Variants in IGFL2 observed in about 807,000 individuals in gnomAD.
The protein encoded by IGFL2 is insulin growth factor-like family member 2.
A neutral mutation model predicts 13.9 loss-of-function variants in IGFL2; 7 were observed. The observed-to-expected ratio is 0.51, with a 90% CI of 0.29 to 0.95. The LOEUF is 0.95. Ranked by LOEUF, IGFL2 falls within the 40% of genes least tolerant of loss-of-function variation. The pLI, the probability that IGFL2 is intolerant of heterozygous loss-of-function variation, is 0.08. For synonymous variants in IGFL2, 55 were observed against 55.8 expected, an observed-to-expected ratio of 0.99 and a Z score of 0.07; for missense variants, 138 against 147.8, an observed-to-expected ratio of 0.93 and a Z score of 0.34.
At chr19:46,161,400 GT>G (rs1482263597), downstream of IGFL2, 2 of 263,466 alleles carry the variant, frequency 7.6e-6, no homozygotes, top group Non-Finnish European at 1.4e-5. Flanking sequence ...ATTGAACTCA[GT>G]TCTGCTGAAA....
the IGFL2 span, among the ~76,000 whole-genome samples, chr19:46,105,887 C>T: frequency 6.6e-6 from 1 of 152,082 alleles, no homozygotes; most frequent in Non-Finnish European, 1.5e-5. Flanking sequence ...CCCTGTACTT[C>T]AGCTGTGTGT....
At chr19:46,187,223 A>G in the IGFL2 span, among the ~76,000 whole-genome samples, 1 of 145,810 alleles carries the variant, frequency 6.9e-6, no homozygotes, top group Non-Finnish European at 1.5e-5. Context: ...GGTGAGCATT[A>G]ACCCGTTTAA....
At chr19:46,093,083 A>G in the IGFL2 span, among the ~76,000 whole-genome samples, 4 of 152,336 alleles carry the variant, frequency 2.6e-5, no homozygotes, top group South Asian at 8.3e-4. Flanking sequence ...TAGTTTAATA[A>G]CAACTAAATA....
chr19:46,155,449 G>A (rs1973769868), intron 1 of IGFL2, among the ~76,000 whole-genome samples: 1 of 152,156 alleles, frequency 6.6e-6, no homozygotes, highest in African/African-American at 2.4e-5. Context: ...GCTCTATACA[G>A]ATTGAGTGGA....
chr19:46,094,624 C>T, the IGFL2 span, among the ~76,000 whole-genome samples: 1 of 152,016 alleles, frequency 6.6e-6, no homozygotes, highest in Non-Finnish European at 1.5e-5. Context: ...CCTATCAACC[C>T]ATCACCTAGT....
the IGFL2 span, among the ~76,000 whole-genome samples, chr19:46,099,461 TCAGTC>T: frequency 6.6e-6 from 1 of 152,098 alleles, no homozygotes; most frequent in East Asian, 1.9e-4. Flanking sequence ...TGTACTCCTA[TCAGTC>T]ATAGGTTTGG....
At chr19:46,177,723 G>A in the IGFL2 span, among the ~76,000 whole-genome samples, 4 of 152,110 alleles carry the variant, frequency 2.6e-5, no homozygotes, top group African/African-American at 9.7e-5. Context: ...TGAGGATGGA[G>A]GCTGCAGCTG....
the IGFL2 span, among the ~76,000 whole-genome samples, chr19:46,119,702 A>G: frequency 7.0e-6 from 1 of 142,728 alleles, no homozygotes; most frequent in South Asian, 2.4e-4. Context: ...CTGCAGGTCA[A>G]TTGGGATAAT....
the IGFL2 span, chr19:46,113,693 T>C: frequency 5.1e-6 from 1 of 197,964 alleles, no homozygotes; most frequent in Middle Eastern, 6.0e-4. Flanking sequence ...TATTCCATGC[T>C]TGTTATCTGC....
the IGFL2 span, among the ~76,000 whole-genome samples, chr19:46,201,220 A>T: frequency 6.6e-6 from 1 of 152,148 alleles, no homozygotes; most frequent in Non-Finnish European, 1.5e-5. Flanking sequence ...CTCACAAGAG[A>T]GATACAGGGA....
the IGFL2 span, chr19:46,124,312 C>A: frequency 2.5e-6 from 4 of 1,610,060 alleles, 1 homozygote; most frequent in African/African-American, 4.1e-5. Context: ...TGTTATCCAG[C>A]AGACAAGAGC....
At chr19:46,098,440 A>G in the IGFL2 span, among the ~76,000 whole-genome samples, 2,019 of 149,038 alleles carry the variant, frequency 0.014, 31 homozygotes, top group Middle Eastern at 0.029. Flanking sequence ...CAGCACACCA[A>G]TGGGTCTTGA....
At chr19:46,143,727 A>G (rs151320131), upstream of IGFL2, among the ~76,000 whole-genome samples, 2 of 152,316 alleles carry the variant, frequency 1.3e-5, no homozygotes, top group African/African-American at 4.8e-5. Context: ...CCCATTTGCC[A>G]GGCACTATAG....
the IGFL2 span, chr19:46,120,464 G>A: frequency 6.7e-7 from 1 of 1,499,442 alleles, no homozygotes; most frequent in Non-Finnish European, 9.0e-7. Context: ...AGACTTGACT[G>A]CTACACCAGA....
At chr19:46,209,309 C>T in the IGFL2 span, 1 of 152,258 alleles carries the variant, frequency 6.6e-6, no homozygotes, top group African/African-American at 2.4e-5. Context: ...GTCTTTAAAG[C>T]TCTCTCCCTT....
chr19:46,174,557 G>A, the IGFL2 span, among the ~76,000 whole-genome samples: 5 of 152,154 alleles, frequency 3.3e-5, no homozygotes, highest in Admixed American at 6.5e-5. Context: ...AAAACATTGA[G>A]GACTCGTCCT....
the IGFL2 span, among the ~76,000 whole-genome samples, chr19:46,185,092 G>T: frequency 8.5e-5 from 13 of 152,072 alleles, no homozygotes; most frequent in Non-Finnish European, 1.6e-4. Flanking sequence ...TTTTGATGGG[G>T]TTTTTGGTTT....
At chr19:46,188,849 C>A in the IGFL2 span, among the ~76,000 whole-genome samples, 2 of 152,208 alleles carry the variant, frequency 1.3e-5, no homozygotes, top group African/African-American at 4.8e-5. Context: ...CGGACAGAGC[C>A]CCCATTCATC....
the IGFL2 span, among the ~76,000 whole-genome samples, chr19:46,109,900 G>T: frequency 6.6e-6 from 1 of 152,164 alleles, no homozygotes; most frequent in African/African-American, 2.4e-5. Flanking sequence ...ATCTTTAGTT[G>T]CTTCAGGCCA....
Sources: gnomAD v4.1 joint callset for allele counts (sites outside exome capture counted in the v4.1 genomes callset) on GRCh38, gnomAD v4.1.1 for gene constraint, MANE v1.5 for transcripts, NCBI Gene and HGNC (gene_info 2026-07-23, HGNC 2026-07-21) for gene names.